The following RGS17 variants were observed in gnomAD, a reference collection of about 807,000 sequenced individuals.
RGS17 encodes regulator of G protein signaling 17.
In RGS17, 12 loss-of-function variants were observed where a neutral mutation model predicts 25.5. The observed-to-expected ratio is 0.47, with a 90% confidence interval of 0.30 to 0.76. The LOEUF is 0.76. Ranked by LOEUF, RGS17 falls within the 30% of genes least tolerant of loss-of-function variation. The pLI is 0.07. For missense variants in RGS17, 196 were observed against 242.2 expected (o/e 0.81, Z 1.27); for synonymous variants, 71 against 76.9 (o/e 0.92, Z 0.40).
intron 1 of RGS17, among the ~76,000 whole-genome samples, chr6:153,097,784 G>A (rs554192236): frequency 9.2e-5 from 14 of 152,076 alleles, no homozygotes; most frequent in Non-Finnish European, 1.9e-4. Context: ...CAGTATGCCT[G>A]GAGTGAAGAT....
At chr6:153,093,542 T>C (rs527954764) in intron 1 of RGS17, among the ~76,000 whole-genome samples, 1 of 152,192 alleles carries the variant, frequency 6.6e-6, no homozygotes, top group Non-Finnish European at 1.5e-5. Flanking sequence ...ATTATGATCA[T>C]TTCTTGCCTT....
chr6:153,099,025 A>G (rs1335181345), intron 1 of RGS17, among the ~76,000 whole-genome samples: 1 of 152,156 alleles, frequency 6.6e-6, no homozygotes, highest in African/African-American at 2.4e-5. Context: ...CCGTCCAAAA[A>G]AAATGTTTCC....
intron 2 of RGS17, among the ~76,000 whole-genome samples, chr6:153,037,811 T>G (rs1054812406): frequency 6.6e-6 from 1 of 152,192 alleles, no homozygotes; most frequent in African/African-American, 2.4e-5. Flanking sequence ...TTTTGTGAAT[T>G]CAAATACAAG....
intron 2 of RGS17, among the ~76,000 whole-genome samples, chr6:153,032,940 A>C (rs1776171998): frequency 6.6e-6 from 1 of 152,222 alleles, no homozygotes; most frequent in Non-Finnish European, 1.5e-5. Context: ...AATAAATTAG[A>C]AAAGGGTTTT....
intron 1 of RGS17, among the ~76,000 whole-genome samples, chr6:153,056,425 GAATAGAAGC>G (rs1474059272): frequency 6.6e-6 from 1 of 152,090 alleles, no homozygotes; most frequent in Non-Finnish European, 1.5e-5. Flanking sequence ...ATGGATTAAC[GAATAGAAGC>G]AATAGAAAGA....
At chr6:153,126,583 A>G (rs1167832675) in intron 1 of RGS17, among the ~76,000 whole-genome samples, 2 of 152,232 alleles carry the variant, frequency 1.3e-5, no homozygotes, top group African/African-American at 4.8e-5. Flanking sequence ...TGAACGAGCC[A>G]TCCTCAAAGA....
Position 153,065,566 on chromosome 6 carries a change from A to C in RGS17, c.-25-21523T>G, listed in dbSNP as rs113435738. Reference sequence around the variant, plus strand: ...AAGTCTTAAAACATTAAAAAACTGAAATAATATCAACCATCTTTTCTGATC... The same window carrying C: ...AAGTCTTAAAACATTAAAAAACTGACATAATATCAACCATCTTTTCTGATC... On this transcript the variant is annotated intron_variant, in intron 1 of 4. Transcript: ENST00000206262. 7.3e-3 allele frequency among the ~76,000 whole-genome samples: 1,113 copies of C among 152,328 alleles called. 12 individuals are homozygous for C. The highest frequency in any genetic ancestry group is 0.025 in the African/African-American group (1,060 of 41,574).
chr6:153,102,698 T>C (rs1307800002), intron 1 of RGS17, among the ~76,000 whole-genome samples: 1 of 152,216 alleles, frequency 6.6e-6, no homozygotes, highest in Non-Finnish European at 1.5e-5. Context: ...GCCTGGCCTA[T>C]GTGGGCAGAT....
intron 1 of RGS17, among the ~76,000 whole-genome samples, chr6:153,101,401 G>A (rs1777301811): frequency 6.6e-6 from 1 of 152,128 alleles, no homozygotes; most frequent in Admixed American, 6.6e-5. Flanking sequence ...ATCCTCGGGT[G>A]GTCATGGAAC....
chr6:153,013,075 T>G (rs1779150204), intron 4 of RGS17, among the ~76,000 whole-genome samples: 1 of 152,212 alleles, frequency 6.6e-6, no homozygotes, highest in South Asian at 2.1e-4. Flanking sequence ...TTATTTAGTT[T>G]TTCGCAGATA....
At chr6:153,043,774 C>T (rs1776351468) in intron 2 of RGS17, 126 bp downstream of exon 2, 1 of 599,954 alleles carries the variant, frequency 1.7e-6, no homozygotes, top group Admixed American at 3.0e-5. Flanking sequence ...TCAATAAGTC[C>T]TACTTGCAAA....
At chr6:153,027,677 G>T (rs1779317445) in intron 2 of RGS17, among the ~76,000 whole-genome samples, 2 of 152,136 alleles carry the variant, frequency 1.3e-5, no homozygotes, top group South Asian at 4.2e-4. Flanking sequence ...GTGAGGTGCA[G>T]ACCCGTCTGG....
intron 1 of RGS17, among the ~76,000 whole-genome samples, chr6:153,092,022 C>T (rs909211395): frequency 1.3e-5 from 2 of 152,024 alleles, no homozygotes; most frequent in African/African-American, 4.8e-5. Context: ...ATGCGATGTC[C>T]AGATTCAGCT....
intron 4 of RGS17, among the ~76,000 whole-genome samples, chr6:153,019,363 A>C (rs567525730): frequency 2.0e-5 from 3 of 152,226 alleles, no homozygotes; most frequent in East Asian, 1.9e-4. Context: ...CAGTAGCTTA[A>C]TGCTGTTTAC....
At chr6:153,026,601 G>A in intron 2 of RGS17, 58 bp from the exon 3 acceptor site, 1 of 1,344,056 alleles carries the variant, frequency 7.4e-7, no homozygotes, top group Non-Finnish European at 1.1e-6. Flanking sequence ...TTGAAGAAAA[G>A]AATAAATTTT....
chr6:153,064,153 G>A (rs1031557032), intron 1 of RGS17, among the ~76,000 whole-genome samples: 4 of 152,106 alleles, frequency 2.6e-5, no homozygotes, highest in East Asian at 1.9e-4. Flanking sequence ...TCACCTGAAG[G>A]TACAAAACTC....
intron 1 of RGS17, among the ~76,000 whole-genome samples, chr6:153,046,738 T>A: frequency 6.6e-6 from 1 of 151,944 alleles, no homozygotes; most frequent in Non-Finnish European, 1.5e-5. Flanking sequence ...ACCAGTAACA[T>A]TGAAAGGCCC....
intron 4 of RGS17, among the ~76,000 whole-genome samples, chr6:153,015,062 T>C (rs1214687321): frequency 6.6e-6 from 1 of 152,180 alleles, no homozygotes; most frequent in Non-Finnish European, 1.5e-5. Context: ...GAAATGGTAA[T>C]AGAACTAGAA....
chr6:153,026,544 C>G lies in RGS17; in HGVS notation c.120-1G>C, dbSNP rs1779304944. 6.2e-7 allele frequency: 1 copy of G among 1,607,776 alleles called. No individual in the cohort carries two copies. Among genetic ancestry groups the G allele is most frequent in the Non-Finnish European group, 8.5e-7 (1 of 1,174,950 alleles). ...TCTTTCTTCATTCCTCACAGTGAGG[C>G]TGTAATGTAACAGAACATTTAATTT... On this transcript the variant is annotated splice_acceptor_variant, in intron 2 of 4. Coordinates refer to ENST00000206262, the MANE Select transcript of RGS17 (RefSeq NM_012419.5). LOFTEE classifies it high-confidence loss of function.
Sources: allele counts gnomAD v4.1 joint callset (sites outside exome capture counted in the v4.1 genomes callset), GRCh38; gene constraint gnomAD v4.1.1; transcripts MANE v1.5; gene names NCBI Gene and HGNC (gene_info 2026-07-23, HGNC 2026-07-21).